RBMXL1: variants seen among roughly 807,000 people sequenced by gnomAD.
RBMXL1 encodes the protein RNA binding motif protein, X-linked-like-1.
RBMXL1 carries 18 observed loss-of-function variants against 29.0 expected under a neutral mutation model. The ratio of observed to expected loss-of-function variants is 0.62; its 90% CI spans 0.43 to 0.92. RBMXL1 has a LOEUF of 0.92. RBMXL1 is among the 40% of genes least tolerant of loss of function. The pLI is 0.00. For synonymous variants in RBMXL1, 141 were observed against 170.4 expected, an observed-to-expected ratio of 0.83 and a Z score of 1.34; for missense variants, 403 against 495.8, an observed-to-expected ratio of 0.81 and a Z score of 1.78.
Position 88,979,896 on chromosome 1 carries a change from G to GC in RBMXL1, c.*2757dup, listed in dbSNP as rs1676993541. 1 of 152,110 alleles carries GC rather than the reference G, an allele frequency of 6.6e-6. No individual in the cohort carries two copies. Among genetic ancestry groups the GC allele is most frequent in the South Asian group, 2.1e-4 (1 of 4,836 alleles). The allele number at this position is 152,110 out of a possible 1,614,324, so 9.4% of individuals were successfully genotyped here. On this transcript the variant is annotated 3_prime_UTR_variant, in exon 3 of 3. Transcript: ENST00000652648. Reference sequence around the variant, plus strand: ...GTTCCTAACAGTTTTATTCACAGTAGCCCCAAACTGGAAACAATCCCAAGG... The same window carrying GC: ...GTTCCTAACAGTTTTATTCACAGTAGCCCCCAAACTGGAAACAATCCCAAGG...
At chr1:88,992,293 A>C (rs1234292899) in intron 1 of RBMXL1, among the ~76,000 whole-genome samples, 1 of 152,214 alleles carries the variant, frequency 6.6e-6, no homozygotes. Context: ...TAAGAGTCCC[A>C]AAGTCATTCT....
In RBMXL1 at chr1:88,983,950, A is replaced by G; in HGVS notation, c.-124T>C. Reference sequence around the variant, plus strand: ...GTCAGTTAGGAGGACTGAACCGCGAAGCCGCTAGCACTACTGCGCAATCTG... The same window carrying G: ...GTCAGTTAGGAGGACTGAACCGCGAGGCCGCTAGCACTACTGCGCAATCTG... On this transcript the variant is annotated 5_prime_UTR_variant, in exon 3 of 3. Transcript: ENST00000652648. 1 of 1,074,142 alleles carries G rather than the reference A, an allele frequency of 9.3e-7. No homozygotes were observed. The allele number at this position is 1,074,142 out of a possible 1,614,324, so 66.5% of individuals were successfully genotyped here.
chr1:88,990,271 A>AAAAACATAAAAAACAAACAAAC (rs1553173412), intron 1 of RBMXL1, among the ~76,000 whole-genome samples: 1 of 150,588 alleles, frequency 6.6e-6, no homozygotes, highest in African/African-American at 2.4e-5. Context: ...TCCCGGTTAA[A>AAAAACATAAAAAACAAACAAAC]AAACATAAAA....
In RBMXL1 at chr1:88,982,722, C is replaced by T. The variant is rs746613343; in HGVS notation, c.1105G>A (p.Gly369Arg). 22 of 1,613,766 alleles carry T rather than the reference C, an allele frequency of 1.4e-5. No individual in the cohort carries two copies. In the East Asian group the frequency reaches 2.5e-4, roughly 18 times the overall value. The part of the protein sequence containing the change: ...SRDSYSSSSR[G>R]APRGAGPGGS... ...CCAGGGCCAGCACCTCTTGGTGCTC[C>T]GCGGCTTGAACTGCTGTAGGAATCA... The change falls in exon 3 of 3, where the codon GGA (glycine) becomes AGA (arginine). Residue 369 changes from glycine to arginine, a missense_variant. Gly to Arg is a moderately radical substitution (Grantham distance 125). Coordinates refer to ENST00000652648, the MANE Select transcript of RBMXL1 (RefSeq NM_001162536.3).
At chr1:88,992,071 C>T (rs11808162) in intron 1 of RBMXL1, among the ~76,000 whole-genome samples, 4,734 of 151,806 alleles carry the variant, frequency 0.031, 245 homozygotes, top group African/African-American at 0.11. Flanking sequence ...CTCCGCCTCC[C>T]GGGTTCACGC....
Position 88,983,913 on chromosome 1 carries a change from C to A in RBMXL1, c.-87G>T. ...ACAGGGGCTTCCTAGCAGCTCAGCACCAGTGGCGGCTGTCAGTTAGGAGGA... is the reference window on the plus strand; with the variant it reads ...ACAGGGGCTTCCTAGCAGCTCAGCAACAGTGGCGGCTGTCAGTTAGGAGGA... On this transcript the variant is annotated 5_prime_UTR_variant, in exon 3 of 3. Coordinates refer to ENST00000652648, the MANE Select transcript of RBMXL1 (RefSeq NM_001162536.3). The A allele has an allele frequency of 6.7e-7, 1 of 1,495,262 alleles. No homozygotes were observed. Among genetic ancestry groups the A allele is most frequent in the Admixed American group, 1.7e-5 (1 of 57,298 alleles). 92.6% of individuals were successfully genotyped at this position (1,495,262 alleles called of 1,614,324 possible).
intron 2 of RBMXL1, among the ~76,000 whole-genome samples, chr1:88,986,883 CT>C (rs1156942287): frequency 6.6e-6 from 1 of 152,186 alleles, no homozygotes; most frequent in African/African-American, 2.4e-5. Flanking sequence ...GAATATTTAT[CT>C]TTATCCCTGT....
rs1677222104 is a variant in RBMXL1 at position 88,983,423 on chromosome 1, G to C, written c.404C>G (p.Ser135Cys). 2 of 1,614,066 alleles carry C rather than the reference G, an allele frequency of 1.2e-6. No individual in the cohort carries two copies. The highest frequency in any genetic ancestry group is 1.7e-5 in the Admixed American group (1 of 60,014). ...RGGHMDDGGY[S>C]MNFNMSSSRG... ...GGAAGAACTCATGTTAAAATTCATG[G>C]AATATCCACCATCATCCATGTGTCC... The change falls in exon 3 of 3, where the codon TCC becomes TGC. Residue 135 changes from serine (S) to cysteine (C), a missense_variant. Transcript: ENST00000652648.
intron 1 of RBMXL1, among the ~76,000 whole-genome samples, chr1:88,991,085 G>C (rs1222610580): frequency 6.6e-6 from 1 of 152,166 alleles, no homozygotes; most frequent in Non-Finnish European, 1.5e-5. Context: ...CAAAACGCAT[G>C]ATCTATAGAA....
At chr1:88,988,490 T>C (rs1677603117) in intron 1 of RBMXL1, 139 bp from the exon 2 acceptor site, 1 of 507,484 alleles carries the variant, frequency 2.0e-6, no homozygotes, top group South Asian at 3.7e-5. Context: ...TTTGCTTTCT[T>C]TCAAGTTTTC....
intron 2 of RBMXL1, among the ~76,000 whole-genome samples, chr1:88,985,471 C>A (rs1400871259): frequency 6.6e-6 from 1 of 152,236 alleles, no homozygotes; most frequent in Non-Finnish European, 1.5e-5. Flanking sequence ...CAATCCCTCA[C>A]ACACATGCCA....
intron 1 of RBMXL1, among the ~76,000 whole-genome samples, chr1:88,991,560 G>T (rs905656625): frequency 6.6e-6 from 1 of 152,218 alleles, no homozygotes; most frequent in Non-Finnish European, 1.5e-5. Flanking sequence ...ACAAAGTCCT[G>T]GACGGGGGAG....
Position 88,986,848 on chromosome 1 carries a change from T to C in RBMXL1, c.-241+1404A>G, listed in dbSNP as rs139435711. On this transcript the variant is annotated intron_variant, in intron 2 of 2. Coordinates refer to ENST00000652648, the MANE Select transcript of RBMXL1 (RefSeq NM_001162536.3). ...ATTGCTTTTGTAACACTGGCCAGTG[T>C]TTTTCATTCGTCCAGCAATAGGAAG... is the stretch of plus-strand genomic sequence containing the variant. Among the ~76,000 whole-genome samples, 25 of 152,292 alleles carry C rather than the reference T, an allele frequency of 1.6e-4. No individual in the cohort carries two copies. In the East Asian group the frequency reaches 4.5e-3, roughly 27 times the overall value.
chr1:88,987,402 G>T (rs1287014446), intron 2 of RBMXL1, among the ~76,000 whole-genome samples: 1 of 152,102 alleles, frequency 6.6e-6, no homozygotes, highest in Non-Finnish European at 1.5e-5. Context: ...TTTACATATA[G>T]AAGACACTGA....
chr1:88,983,400 A>T lies in RBMXL1; in HGVS notation c.427T>A (p.Ser143Thr). ...GYSMNFNMSS[S>T]RGPLPVKRGP... ...CTTTTTACTGGGAGTGGTCCCCTGG[A>T]AGAACTCATGTTAAAATTCATGGAA... Residue 143 changes from serine (S) to threonine (T), a missense_variant, in exon 3 of 3, where the codon TCC (serine) becomes ACC (threonine). Coordinates refer to ENST00000652648, the MANE Select transcript of RBMXL1 (RefSeq NM_001162536.3). 6.2e-7 allele frequency: 1 copy of T among 1,614,178 alleles called. No individual in the cohort carries two copies. Among genetic ancestry groups the T allele is most frequent in the Middle Eastern group, 1.6e-4 (1 of 6,062 alleles).
rs752764945 is a variant in RBMXL1, at chr1:88,983,477, C to T, written c.350G>A (p.Gly117Glu). 2 of 1,614,152 alleles carry T rather than the reference C, an allele frequency of 1.2e-6. No individual in the cohort carries two copies. The highest frequency in any genetic ancestry group is 2.2e-5 in the South Asian group (2 of 91,080). Residue 117 changes from glycine (G) to glutamate (E), a missense_variant, in exon 3 of 3, where the codon GGA becomes GAA. By Grantham distance (98) the Gly-to-Glu change is moderately conservative (BLOSUM62 -2). Transcript: ENST00000652648. ...RGFGAGRGGS[G>E]GTRGPPSRGG... is the part of the protein sequence containing the mutation. ...TCGTGAAGGAGGTCCCCTGGTTCCTCCACTTCCTCCTCTTCCAGCTCCAAA... is the reference window on the plus strand; with the variant it reads ...TCGTGAAGGAGGTCCCCTGGTTCCTTCACTTCCTCCTCTTCCAGCTCCAAA...
chr1:88,991,783 G>C (rs1307627511), intron 1 of RBMXL1, among the ~76,000 whole-genome samples: 1 of 152,252 alleles, frequency 6.6e-6, no homozygotes, highest in Non-Finnish European at 1.5e-5. Context: ...GGCTCCCGAA[G>C]TCAGACTTGC....
At chr1:88,989,212 A>C (rs1377674651) in intron 1 of RBMXL1, among the ~76,000 whole-genome samples, 7 of 152,206 alleles carry the variant, frequency 4.6e-5, no homozygotes, top group Admixed American at 4.6e-4. Context: ...AAAGAGACCT[A>C]ATCTATGGAA....
intron 2 of RBMXL1, among the ~76,000 whole-genome samples, chr1:88,986,192 AAGAGAGAG>A: frequency 1.3e-5 from 2 of 150,214 alleles, no homozygotes; most frequent in East Asian, 3.9e-4. Flanking sequence ...AAAAAAAAAA[AAGAGAGAG>A]AGAGAGAGAC....
Sources: allele counts gnomAD v4.1 joint callset (sites outside exome capture counted in the v4.1 genomes callset), GRCh38; gene constraint gnomAD v4.1.1; transcripts MANE v1.5; gene names NCBI Gene and HGNC (gene_info 2026-07-23, HGNC 2026-07-21).